ST7: variants seen among roughly 807,000 people sequenced by gnomAD.
ST7 encodes the protein suppression of tumorigenicity 7.
A neutral mutation model predicts 78.7 loss-of-function variants in ST7; 28 were observed. The ratio of observed to expected loss-of-function variants is 0.36; its 90% confidence interval spans 0.26 to 0.49. The LOEUF (loss-of-function observed/expected upper bound fraction) is 0.49, where lower values mean the gene tolerates loss of function less well. Among genes scored for constraint, ST7 ranks in the 20% least tolerant of loss-of-function variants. The pLI, the probability that ST7 is intolerant of heterozygous loss-of-function variation, is 0.99. For missense variants in ST7, 418 were observed against 696.0 expected (o/e 0.60, Z 4.49); for synonymous variants, 247 against 249.6 (o/e 0.99, Z 0.10).
intron 9 of ST7, among the ~76,000 whole-genome samples, chr7:117,141,253 A>G (rs895731747): frequency 2.0e-5 from 3 of 152,176 alleles, no homozygotes; most frequent in Admixed American, 6.5e-5. Context: ...TAGAAATAGA[A>G]ATGTCAGTTA....
intron 7 of ST7, 53 bp downstream of exon 7, chr7:117,134,245 T>C: frequency 6.2e-7 from 1 of 1,607,778 alleles, no homozygotes; most frequent in Non-Finnish European, 8.5e-7. Flanking sequence ...AGACTTCTAG[T>C]GGATATCTGG....
intron 13 of ST7, among the ~76,000 whole-genome samples, chr7:117,217,497 G>A (rs753360391): frequency 1.4e-4 from 21 of 152,042 alleles, no homozygotes; most frequent in Admixed American, 3.3e-4. Context: ...TTTTGTGGGG[G>A]GTGTTTTGTT....
chr7:117,210,364 C>T (rs955035485), intron 13 of ST7, among the ~76,000 whole-genome samples: 11 of 152,276 alleles, frequency 7.2e-5, no homozygotes, highest in South Asian at 2.1e-4. Context: ...GGAACCAGAC[C>T]GGCCATCCAA....
At chr7:117,128,928 A>AT (rs1222855583) in intron 3 of ST7, among the ~76,000 whole-genome samples, 2 of 151,768 alleles carry the variant, frequency 1.3e-5, no homozygotes, top group Admixed American at 6.6e-5. Context: ...CTATTAACTG[A>AT]TTTTTTTATA....
intron 1 of ST7, among the ~76,000 whole-genome samples, chr7:116,983,283 CT>C (rs1794041367): frequency 1.3e-5 from 2 of 152,176 alleles, no homozygotes; most frequent in South Asian, 4.1e-4. Context: ...CATCTAATCT[CT>C]CTGTTTCCTT....
At chr7:117,226,439 A>G (rs1455377506) in intron 15 of ST7, among the ~76,000 whole-genome samples, 1 of 152,164 alleles carries the variant, frequency 6.6e-6, no homozygotes, top group African/African-American at 2.4e-5. Context: ...GGTGTTGCTC[A>G]TTCAGACTTA....
chr7:117,225,831 C>T (rs554116616), intron 15 of ST7, among the ~76,000 whole-genome samples: 5 of 152,280 alleles, frequency 3.3e-5, no homozygotes, highest in South Asian at 2.1e-4. Context: ...CACAGGGAAG[C>T]GTGAACCACT....
chr7:117,066,291 A>G (rs1008003801), intron 1 of ST7, among the ~76,000 whole-genome samples: 1 of 152,222 alleles, frequency 6.6e-6, no homozygotes, highest in African/African-American at 2.4e-5. Flanking sequence ...TTTCCTCAAC[A>G]AAACTATAAA....
At chr7:117,120,835 C>G (rs2116951277) in intron 3 of ST7, among the ~76,000 whole-genome samples, 1 of 151,858 alleles carries the variant, frequency 6.6e-6, no homozygotes, top group East Asian at 1.9e-4. Context: ...TGTTACAGCA[C>G]TAAGAATAGC....
intron 1 of ST7, chr7:117,072,799 G>A (rs1419972001): frequency 1.3e-5 from 2 of 152,242 alleles, no homozygotes; most frequent in Non-Finnish European, 2.9e-5. Context: ...GCAGAGCAAG[G>A]TCGGTGGGCA....
At chr7:117,134,323 T>C (rs1804608248) in intron 7 of ST7, 131 bp downstream of exon 7, 2 of 1,337,844 alleles carry the variant, frequency 1.5e-6, no homozygotes, top group Non-Finnish European at 2.1e-6. Flanking sequence ...CAAGGATGCA[T>C]CATCTATATC....
intron 1 of ST7, chr7:116,955,095 C>T (rs1354960793): frequency 4.2e-6 from 2 of 470,842 alleles, no homozygotes; most frequent in Non-Finnish European, 8.8e-6. Flanking sequence ...ATGGCTTTCT[C>T]GCTTTTCATC....
chr7:117,194,413 C>T (rs1810086846), intron 12 of ST7, among the ~76,000 whole-genome samples: 1 of 152,154 alleles, frequency 6.6e-6, no homozygotes, highest in African/African-American at 2.4e-5. Context: ...GCCCCTTCAC[C>T]ACCCCCATTA....
intron 1 of ST7, among the ~76,000 whole-genome samples, chr7:116,992,444 G>A (rs1794471749): frequency 6.6e-6 from 1 of 152,226 alleles, no homozygotes; most frequent in South Asian, 2.1e-4. Context: ...TGCATCCTCT[G>A]AAGCCATGGC....
chr7:117,118,702 G>A (rs1424076492), intron 2 of ST7, among the ~76,000 whole-genome samples: 3 of 152,174 alleles, frequency 2.0e-5, no homozygotes, highest in East Asian at 3.9e-4. Context: ...AGAAAAAGAT[G>A]TGGGGGAGAA....
At chr7:117,118,450 A>C (rs995522543) in intron 2 of ST7, 1 of 152,208 alleles carries the variant, frequency 6.6e-6, no homozygotes, top group African/African-American at 2.4e-5. Context: ...ATCTTTTTAG[A>C]AATCTTTAAT....
intron 2 of ST7, among the ~76,000 whole-genome samples, chr7:117,101,057 G>A (rs1394302865): frequency 6.6e-6 from 1 of 152,176 alleles, no homozygotes; most frequent in Admixed American, 6.5e-5. Flanking sequence ...TGAGGAGCCA[G>A]AGTAAAAAGA....
intron 1 of ST7, among the ~76,000 whole-genome samples, chr7:116,961,807 T>C (rs1236702229): frequency 2.0e-5 from 3 of 151,874 alleles, no homozygotes. Flanking sequence ...GGGATACAAG[T>C]GCAGAATGTG....
intron 9 of ST7, among the ~76,000 whole-genome samples, chr7:117,148,102 C>T (rs932444211): frequency 2.6e-5 from 4 of 152,154 alleles, no homozygotes; most frequent in African/African-American, 7.2e-5. Flanking sequence ...TTTGCTCTAT[C>T]AGTTTCTAAG....
Sources: allele counts gnomAD v4.1 joint callset (sites outside exome capture counted in the v4.1 genomes callset), GRCh38; gene constraint gnomAD v4.1.1; transcripts MANE v1.5; gene names NCBI Gene and HGNC (gene_info 2026-07-23, HGNC 2026-07-21).